CAMTA1: variants seen among roughly 807,000 people sequenced by gnomAD.
CAMTA1 encodes calmodulin binding transcription activator 1, also known as calmodulin-binding transcription activator 1.
In CAMTA1, 27 loss-of-function variants were observed where a neutral mutation model predicts 170.9. The ratio of observed to expected loss-of-function variants is 0.16; its 90% CI spans 0.12 to 0.22. The LOEUF is 0.22. CAMTA1 is among the 10% of genes least tolerant of loss of function. The pLI is 1.00. For missense variants in CAMTA1, 1,619 were observed against 2,217.2 expected (o/e 0.73, Z 5.42); for synonymous variants, 833 against 891.5 (o/e 0.93, Z 1.17).
intron 6 of CAMTA1, among the ~76,000 whole-genome samples, chr1:7,524,482 C>T (rs1304316000): frequency 2.0e-5 from 3 of 152,136 alleles, no homozygotes; most frequent in Non-Finnish European, 4.4e-5. Context: ...CTTTCTCCTG[C>T]TTTACTGCCT....
intron 5 of CAMTA1, among the ~76,000 whole-genome samples, chr1:7,328,876 T>C (rs961482288): frequency 6.6e-6 from 1 of 152,198 alleles, no homozygotes; most frequent in African/African-American, 2.4e-5. Flanking sequence ...TTAAACAGAT[T>C]AAACAAACTA....
chr1:6,943,856 A>T (rs1687131285), intron 3 of CAMTA1, among the ~76,000 whole-genome samples: 1 of 105,494 alleles, frequency 9.5e-6, no homozygotes, highest in African/African-American at 3.1e-5. Flanking sequence ...CAAAAAAAAA[A>T]AAAAAAAAAA....
intron 5 of CAMTA1, among the ~76,000 whole-genome samples, chr1:7,275,263 G>T (rs1385584913): frequency 2.0e-5 from 3 of 151,600 alleles, no homozygotes; most frequent in Non-Finnish European, 4.4e-5. Flanking sequence ...TTTATAGTTT[G>T]AAGTGCTTAC....
intron 5 of CAMTA1, among the ~76,000 whole-genome samples, chr1:7,258,457 A>G (rs983475489): frequency 6.6e-5 from 10 of 152,272 alleles, no homozygotes; most frequent in Middle Eastern, 3.4e-3. Flanking sequence ...TTCAGTTACA[A>G]TGTAAACCCT....
chr1:7,651,365 C>T (rs1330520316), intron 7 of CAMTA1, among the ~76,000 whole-genome samples: 3 of 152,146 alleles, frequency 2.0e-5, no homozygotes, highest in Non-Finnish European at 4.4e-5. Flanking sequence ...GAAGGCCAAG[C>T]GTCGATTCCA....
At chr1:7,662,576 G>A (rs2095969606) in intron 8 of CAMTA1, among the ~76,000 whole-genome samples, 1 of 152,168 alleles carries the variant, frequency 6.6e-6, no homozygotes, top group African/African-American at 2.4e-5. Context: ...GGGAGGGAGA[G>A]AAAAGCCGTC....
At chr1:6,831,533 C>T (rs564723784) in intron 3 of CAMTA1, among the ~76,000 whole-genome samples, 1 of 152,338 alleles carries the variant, frequency 6.6e-6, no homozygotes, top group Non-Finnish European at 1.5e-5. Flanking sequence ...ATAACTACTG[C>T]ATTCCCTAGT....
At chr1:7,707,578 T>C (rs1426646881) in intron 11 of CAMTA1, among the ~76,000 whole-genome samples, 1 of 152,164 alleles carries the variant, frequency 6.6e-6, no homozygotes, top group Admixed American at 6.5e-5. Context: ...GGTTTCTCCA[T>C]GTTGCCCAGG....
chr1:7,198,882 G>C (rs1382826204), intron 4 of CAMTA1, among the ~76,000 whole-genome samples: 1 of 152,130 alleles, frequency 6.6e-6, no homozygotes, highest in Non-Finnish European at 1.5e-5. Flanking sequence ...CGCGGGCAAC[G>C]CTGGATGCAG....
intron 5 of CAMTA1, among the ~76,000 whole-genome samples, chr1:7,423,217 G>A (rs1244763641): frequency 1.3e-5 from 2 of 152,110 alleles, no homozygotes; most frequent in African/African-American, 2.4e-5. Flanking sequence ...AGGCCTGTAA[G>A]CCCAGCACTT....
At chr1:7,450,068 C>T (rs1218582904) in intron 5 of CAMTA1, among the ~76,000 whole-genome samples, 2 of 152,164 alleles carry the variant, frequency 1.3e-5, no homozygotes, top group Non-Finnish European at 2.9e-5. Flanking sequence ...GCCCCACCAG[C>T]CAGCCCAGCA....
intron 5 of CAMTA1, among the ~76,000 whole-genome samples, chr1:7,442,474 G>T (rs997229813): frequency 5.9e-5 from 9 of 152,294 alleles, no homozygotes; most frequent in East Asian, 1.9e-4. Flanking sequence ...GAGCACGTAG[G>T]TTCGCATACC....
intron 17 of CAMTA1, among the ~76,000 whole-genome samples, chr1:7,745,503 G>A (rs1025361256): frequency 1.3e-5 from 2 of 152,094 alleles, no homozygotes; most frequent in African/African-American, 4.8e-5. Context: ...CCCAGTCTGC[G>A]CAACAGAGCA....
intron 3 of CAMTA1, among the ~76,000 whole-genome samples, chr1:6,991,560 C>T (rs932908113): frequency 9.2e-5 from 14 of 152,196 alleles, no homozygotes; most frequent in African/African-American, 2.4e-4. Context: ...CATTAAACAT[C>T]GTGGATTTCC....
intron 3 of CAMTA1, among the ~76,000 whole-genome samples, chr1:6,977,330 G>A (rs1469959222): frequency 6.6e-6 from 1 of 151,496 alleles, no homozygotes; most frequent in East Asian, 1.9e-4. Context: ...ACTGGGCAAA[G>A]CTTTTTTTTT....
At chr1:6,820,491 C>T (rs921380528) in intron 2 of CAMTA1, among the ~76,000 whole-genome samples, 1 of 152,178 alleles carries the variant, frequency 6.6e-6, no homozygotes, top group Admixed American at 6.5e-5. Flanking sequence ...ACGGAGAAAT[C>T]AAAGCACTTA....
chr1:7,299,595 C>T lies in CAMTA1; in HGVS notation c.438+49969C>T, dbSNP rs1026995579. 3.3e-5 allele frequency among the ~76,000 whole-genome samples: 5 copies of T among 152,228 alleles called. No individual in the cohort carries two copies. The highest frequency in any genetic ancestry group is 7.3e-5 in the Non-Finnish European group (5 of 68,044). On this transcript the variant is annotated intron_variant, in intron 5 of 22. Transcript: ENST00000303635. This position sits in a 1 kb window ranked among gnomAD's most constrained non-coding sequence, Gnocchi z 4.7. ...ACGCTGGCCCTTGTGTCTCAGGCTC[C>T]TGGAACCTTCCGATTAAGCCTCCAC...
At chr1:7,133,939 G>A (rs1004294514) in intron 4 of CAMTA1, among the ~76,000 whole-genome samples, 7 of 152,210 alleles carry the variant, frequency 4.6e-5, no homozygotes, top group African/African-American at 1.7e-4. Context: ...GGGTATGTGT[G>A]CATGTTTGTT....
intron 1 of CAMTA1, among the ~76,000 whole-genome samples, chr1:6,796,128 ATTTCTTTTTTTTTTT>A (rs1642428200): frequency 9.6e-6 from 1 of 103,856 alleles, no homozygotes; most frequent in Non-Finnish European, 1.9e-5. Flanking sequence ...ATAAAATAGC[ATTTCTTTTTTTTTTT>A]TTTTTTTTTT....
Sources: gnomAD v4.1 joint callset for allele counts (sites outside exome capture counted in the v4.1 genomes callset) on GRCh38, gnomAD v4.1.1 for gene constraint, Gnocchi (gnomAD v3.1) non-coding constraint, MANE v1.5 for transcripts, NCBI Gene and HGNC (gene_info 2026-07-23, HGNC 2026-07-21) for gene names.